Variants in CNTN6 observed in about 807,000 individuals in gnomAD.
The protein encoded by CNTN6 is contactin 6, also known as contactin-6.
In CNTN6, 137 loss-of-function variants were observed where a neutral mutation model predicts 122.8. That is an observed-to-expected ratio of 1.12 (90% CI 0.97 to 1.29). CNTN6 has a LOEUF of 1.29. Among genes scored for constraint, CNTN6 ranks in the 50% most tolerant of loss-of-function variants. The pLI is 0.00. For synonymous variants in CNTN6, 570 were observed against 426.0 expected (o/e 1.34, Z -4.16); for missense variants, 1,634 against 1,223.4 (o/e 1.34, Z -5.01).
intron 6 of CNTN6, 32 bp from the exon 7 acceptor site, chr3:1,297,857 G>A (rs750378269): frequency 3.3e-6 from 5 of 1,537,406 alleles, no homozygotes; most frequent in Admixed American, 1.8e-5. Flanking sequence ...CTATTCTCCA[G>A]AAATGCTGCT....
intron 4 of CNTN6, 147 bp downstream of exon 4, chr3:1,228,140 C>A: frequency 1.5e-6 from 1 of 683,864 alleles, no homozygotes; most frequent in East Asian, 2.8e-5. Context: ...TTTTGTGAAT[C>A]TAGATTCTTG....
In CNTN6 at chr3:1,327,732, A is replaced by T. The variant is rs531858440; in HGVS notation, c.1213+146A>T. ...AATGTCTAAATTAACTTTTTACAAA[A>T]TTCAAGGTGGTAATTATTATTCTGC... On this transcript the variant is annotated intron_variant, in intron 10 of 22. Transcript: ENST00000446702. 281 of 887,040 alleles carry T rather than the reference A, an allele frequency of 3.2e-4. No homozygotes were observed. The African/African-American group carries it at 4.0e-3, about 13-fold the overall frequency. The allele number at this position is 887,040 out of a possible 1,614,324, so 54.9% of individuals were successfully genotyped here.
chr3:1,172,049 C>A (rs935654061), intron 2 of CNTN6, among the ~76,000 whole-genome samples: 1 of 152,124 alleles, frequency 6.6e-6, no homozygotes, highest in Non-Finnish European at 1.5e-5. Context: ...AACTCCTATC[C>A]CTCTCCCATC....
In CNTN6 at chr3:1,400,648, T is replaced by C. The variant is rs985688135; in HGVS notation, c.2705-785T>C. Among the ~76,000 whole-genome samples the C allele has an allele frequency of 2.6e-5, 4 of 152,134 alleles. No individual in the cohort carries two copies. In the South Asian group the frequency reaches 8.3e-4, roughly 31 times the overall value. ...TTTCACATTGTCCAGACACAGTTGA[T>C]TAAGCTAAGATAGACATACGACCAA... On this transcript the variant is annotated intron_variant, in intron 20 of 22. Transcript: ENST00000446702.
At chr3:1,342,438 T>G (rs1704033692) in intron 11 of CNTN6, among the ~76,000 whole-genome samples, 1 of 152,192 alleles carries the variant, frequency 6.6e-6, no homozygotes, top group Admixed American at 6.5e-5. Context: ...TGTCTGTTTC[T>G]TTTATAAGCA....
intron 2 of CNTN6, among the ~76,000 whole-genome samples, chr3:1,151,941 C>T (rs547593543): frequency 7.2e-5 from 11 of 152,138 alleles, no homozygotes; most frequent in South Asian, 4.1e-4. Context: ...AGACTAAGAA[C>T]GTTTATTCTC....
intron 2 of CNTN6, among the ~76,000 whole-genome samples, chr3:1,174,713 G>T (rs2093417498): frequency 6.6e-6 from 1 of 152,128 alleles, no homozygotes; most frequent in Non-Finnish European, 1.5e-5. Context: ...GCTCACTTCT[G>T]TGTCCCTTAA....
chr3:1,278,948 T>C (rs1234558805), intron 5 of CNTN6, among the ~76,000 whole-genome samples: 1 of 152,222 alleles, frequency 6.6e-6, no homozygotes, highest in East Asian at 1.9e-4. Context: ...AAATGTAAAT[T>C]GAGTAGTGTA....
chr3:1,123,307 C>T (rs1473791601), intron 1 of CNTN6, among the ~76,000 whole-genome samples: 3 of 151,714 alleles, frequency 2.0e-5, no homozygotes, highest in Non-Finnish European at 2.9e-5. Flanking sequence ...TTTATTAGAT[C>T]TTCTTTAATT....
intron 1 of CNTN6, among the ~76,000 whole-genome samples, chr3:1,139,625 T>C (rs1345298560): frequency 1.3e-5 from 2 of 152,164 alleles, no homozygotes; most frequent in Non-Finnish European, 2.9e-5. Context: ...AGGAGTTTAA[T>C]TGAACAATGA....
intron 12 of CNTN6, among the ~76,000 whole-genome samples, chr3:1,354,579 T>C (rs1311174528): frequency 6.6e-6 from 1 of 151,510 alleles, no homozygotes; most frequent in Non-Finnish European, 1.5e-5. Flanking sequence ...TCTTCCCTTC[T>C]AGAACAGAAG....
intron 5 of CNTN6, among the ~76,000 whole-genome samples, chr3:1,286,750 T>G (rs912550390): frequency 2.0e-5 from 3 of 151,996 alleles, no homozygotes; most frequent in Non-Finnish European, 4.4e-5. Flanking sequence ...GGATAAAGAG[T>G]CAAGGCTCCT....
At chr3:1,309,732 C>T (rs756432319) in intron 7 of CNTN6, among the ~76,000 whole-genome samples, 13 of 152,170 alleles carry the variant, frequency 8.5e-5, no homozygotes, top group Admixed American at 2.6e-4. Flanking sequence ...AGACTTGACA[C>T]ACTGACAGTG....
intron 2 of CNTN6, among the ~76,000 whole-genome samples, chr3:1,180,413 G>A (rs1467422733): frequency 6.6e-6 from 1 of 152,138 alleles, no homozygotes. Flanking sequence ...TATTATTCTT[G>A]TTATTAGTTC....
At chr3:1,349,519 G>T (rs1358014521) in intron 11 of CNTN6, among the ~76,000 whole-genome samples, 2 of 151,476 alleles carry the variant, frequency 1.3e-5, no homozygotes, top group African/African-American at 4.8e-5. Context: ...TGTAAAAGAA[G>T]AATAGAAAAA....
chr3:1,158,279 A>G (rs897405931), intron 2 of CNTN6, among the ~76,000 whole-genome samples: 5 of 152,196 alleles, frequency 3.3e-5, no homozygotes, highest in Admixed American at 6.5e-5. Context: ...TTCTCTGATG[A>G]TCAGTGACAT....
rs75906184 is a variant in CNTN6, at chr3:1,210,426, A to G, written c.56-10261A>G. 5.4e-5 allele frequency among the ~76,000 whole-genome samples: 8 copies of G among 148,572 alleles called. No individual in the cohort carries two copies. The East Asian group carries it at 7.8e-4, about 15-fold the overall frequency. ...AAGGAAAGGGAAGGAAAAAGGAAAG[A>G]AAAAAAAAAGGCTTAACTCTTTATA... is the stretch of plus-strand genomic sequence containing the variant. On this transcript the variant is annotated intron_variant, in intron 2 of 22. Coordinates refer to ENST00000446702, the MANE Select transcript of CNTN6 (RefSeq NM_001289080.2).
chr3:1,163,133 A>T (rs2093172324), intron 2 of CNTN6, among the ~76,000 whole-genome samples: 1 of 152,164 alleles, frequency 6.6e-6, no homozygotes, highest in Admixed American at 6.5e-5. Context: ...AATAGTTCTG[A>T]TGAAAGAATA....
intron 2 of CNTN6, among the ~76,000 whole-genome samples, chr3:1,181,461 A>G (rs1297470100): frequency 2.0e-5 from 3 of 152,204 alleles, no homozygotes; most frequent in Non-Finnish European, 4.4e-5. Flanking sequence ...CCTGTTTTAC[A>G]TAAAACTGAG....
Sources: gnomAD v4.1 joint callset for allele counts (sites outside exome capture counted in the v4.1 genomes callset) on GRCh38, gnomAD v4.1.1 for gene constraint, MANE v1.5 for transcripts, NCBI Gene and HGNC (gene_info 2026-07-23, HGNC 2026-07-21) for gene names.